BOK: variants seen among roughly 807,000 people sequenced by gnomAD.
The protein encoded by BOK is bcl-2-related ovarian killer protein.
Under a neutral mutation model 18.3 loss-of-function variants are expected in BOK, and 20 were observed. The observed-to-expected ratio is 1.09, with a 90% confidence interval of 0.77 to 1.59. The LOEUF (loss-of-function observed/expected upper bound fraction) is 1.59. Ranked by LOEUF, BOK falls within the 40% of genes most tolerant of loss-of-function variation. The pLI, the probability that BOK is intolerant of heterozygous loss-of-function variation, is 0.00. For synonymous variants in BOK, 173 were observed against 142.4 expected (o/e 1.21, Z -1.53); for missense variants, 348 against 307.9 (o/e 1.13, Z -0.97).
chr2:241,564,824 G>A (rs561837928), intron 3 of BOK, among the ~76,000 whole-genome samples: 2 of 152,342 alleles, frequency 1.3e-5, no homozygotes, highest in South Asian at 4.1e-4. Flanking sequence ...GGGTTTACGA[G>A]CTGCAGGCTG....
At chr2:241,570,015 C>T (rs371035927) in intron 3 of BOK, 110 bp from the exon 4 acceptor site, 70 of 1,350,814 alleles carry the variant, frequency 5.2e-5, no homozygotes, top group East Asian at 2.3e-4. Context: ...GGTCCCTGGT[C>T]ATTAGCTGGA....
chr2:241,564,027 A>G (rs2066573052), intron 3 of BOK, among the ~76,000 whole-genome samples: 1 of 152,200 alleles, frequency 6.6e-6, no homozygotes, highest in Non-Finnish European at 1.5e-5. Context: ...CTGGAGGCCA[A>G]GGCGGCGGGG....
Position 241,568,157 on chromosome 2 carries a change from A to G in BOK, c.350-1968A>G, listed in dbSNP as rs536967860. On this transcript the variant is annotated intron_variant, in intron 3 of 4. Coordinates refer to ENST00000318407, the MANE Select transcript of BOK (RefSeq NM_032515.5). ...TATTATTTATTTATTTTTTCACTCT[A>G]TTGCCCAGGCTAGAGTGCAATGGCG... is the stretch of plus-strand genomic sequence containing the variant. 1.3e-4 allele frequency among the ~76,000 whole-genome samples: 20 copies of G among 151,878 alleles called. 1 individual carries two copies. In the South Asian group the frequency reaches 2.3e-3, roughly 17 times the overall value.
In BOK at chr2:241,566,766, G is replaced by A. The variant is rs578101077; in HGVS notation, c.350-3359G>A. On this transcript the variant is annotated intron_variant, in intron 3 of 4. Coordinates refer to ENST00000318407, the MANE Select transcript of BOK (RefSeq NM_032515.5). ...ACGCCAGACACAAAATGAACAAGCCGTGTGATTACACTTATGTGAAATTTT... is the reference window on the plus strand; with the variant it reads ...ACGCCAGACACAAAATGAACAAGCCATGTGATTACACTTATGTGAAATTTT... Among the ~76,000 whole-genome samples, 8 of 118,238 alleles carry A rather than the reference G, an allele frequency of 6.8e-5. 2 individuals carry two copies. The highest frequency in any genetic ancestry group is 1.4e-4 in the Non-Finnish European group (8 of 56,250). The allele number at this position is 118,238 out of a possible 152,430, so 77.6% of individuals were successfully genotyped here.
intron 3 of BOK, among the ~76,000 whole-genome samples, chr2:241,563,745 G>A (rs2125049130): frequency 6.6e-6 from 1 of 152,356 alleles, no homozygotes; most frequent in East Asian, 1.9e-4. Flanking sequence ...AGCAGCAGGA[G>A]CCAGGCATCA....
intron 3 of BOK, among the ~76,000 whole-genome samples, chr2:241,568,833 CTGAG>C (rs1450737330): frequency 1.3e-5 from 2 of 151,840 alleles, no homozygotes; most frequent in African/African-American, 2.4e-5. Context: ...ATGTCTGTGA[CTGAG>C]TGTTTGTTTG....
At position 241,562,376 on chromosome 2, in the gene BOK, C is replaced by A; in HGVS notation, c.249C>A (p.Ser83Arg). 9.3e-6 allele frequency: 15 copies of A among 1,610,362 alleles called. No homozygotes were observed. The highest frequency in any genetic ancestry group is 1.3e-5 in the Non-Finnish European group (15 of 1,179,080). Residue 83 changes from serine to arginine, a missense_variant, in exon 3 of 5, where the codon AGC (serine) becomes AGA (arginine). Ser to Arg is a moderately radical substitution (Grantham distance 110). Transcript: ENST00000318407. This position sits in a 1 kb window ranked among gnomAD's most constrained non-coding sequence, Gnocchi z 4.5. ...ATGAGCTGGAGATGATCCGGCCCAG[C>A]GTCTACCGCAACGTGGCGCGTCAGC... ...LGDELEMIRP[S>R]VYRNVARQLH...
chr2:241,566,302 CTTTTTT>C (rs369940899), intron 3 of BOK, among the ~76,000 whole-genome samples: 1 of 141,024 alleles, frequency 7.1e-6, no homozygotes. Context: ...TTTCTTTTTT[CTTTTTT>C]TTTTTTGAGA....
chr2:241,559,270 T>C (rs2066485761), intron 1 of BOK, among the ~76,000 whole-genome samples, 185 bp from the exon 2 acceptor site: 1 of 151,608 alleles, frequency 6.6e-6, no homozygotes, highest in Non-Finnish European at 1.5e-5. Context: ...TCGGGGAATG[T>C]CTGTAGCTGA....
intron 3 of BOK, among the ~76,000 whole-genome samples, chr2:241,569,410 C>T (rs7371112): frequency 0.62 from 93,551 of 152,018 alleles, 29,166 homozygotes; most frequent in East Asian, 0.8. Flanking sequence ...GGATTCCAGG[C>T]GTGAGCCACC....
chr2:241,564,942 C>A (rs1044258533), intron 3 of BOK, among the ~76,000 whole-genome samples: 1 of 152,150 alleles, frequency 6.6e-6, no homozygotes, highest in Admixed American at 6.5e-5. Context: ...CCTACCCGCC[C>A]GGCCTTGCTT....
At chr2:241,553,396 C>G (rs982623768) in intron 1 of BOK, among the ~76,000 whole-genome samples, 3 of 152,202 alleles carry the variant, frequency 2.0e-5, no homozygotes, top group Non-Finnish European at 4.4e-5. Flanking sequence ...AGGTGATCCA[C>G]CCGCCTCAGC....
At position 241,559,007 on chromosome 2, in the gene BOK, G is replaced by C. The variant is rs2066480508; in HGVS notation, c.-30+14G>C. The C allele has an allele frequency of 6.6e-6, 1 of 151,504 alleles. No homozygotes were observed. The highest frequency in any genetic ancestry group is 2.1e-4 in the South Asian group (1 of 4,832). The allele number at this position is 151,504 out of a possible 1,614,324, so 9.4% of individuals were successfully genotyped here. A position where few individuals can be genotyped will look rare whatever the true frequency, so the allele number is the denominator to read the frequency against. ...GCGGCGGGAGAGGTGAGCGCGGCGGGCGTGGCGTCCGTGCCGGGGTGCCCG... is the reference window on the plus strand; with the variant it reads ...GCGGCGGGAGAGGTGAGCGCGGCGGCCGTGGCGTCCGTGCCGGGGTGCCCG... On this transcript the variant is annotated intron_variant, in intron 1 of 4. Coordinates refer to ENST00000318407, the MANE Select transcript of BOK (RefSeq NM_032515.5).
At position 241,559,452 on chromosome 2, in the gene BOK, C is replaced by T. The variant is rs1193710959; in HGVS notation, c.-29-3C>T. 3 of 1,414,556 alleles carry T rather than the reference C, an allele frequency of 2.1e-6. No individual in the cohort carries two copies. Among genetic ancestry groups the T allele is most frequent in the South Asian group, 1.5e-5 (1 of 67,640 alleles). 87.6% of individuals were successfully genotyped at this position (1,414,556 alleles called of 1,614,324 possible). A position where few individuals can be genotyped will look rare whatever the true frequency, so the allele number is the denominator to read the frequency against. ...CCACCCGGCTGAGCGCTTGTGCCCG[C>T]AGGTGCGGCGCCCCCCACCCGCGTC... On this transcript the variant is annotated splice_polypyrimidine_tract_variant and splice_region_variant and intron_variant, in intron 1 of 4. Coordinates refer to ENST00000318407, the MANE Select transcript of BOK (RefSeq NM_032515.5).
chr2:241,559,789 C>T (rs2066498276), intron 2 of BOK, 86 bp downstream of exon 2: 9 of 1,239,646 alleles, frequency 7.3e-6, no homozygotes, highest in Non-Finnish European at 9.1e-6. Flanking sequence ...GGGGGTCCGG[C>T]CCAGGGGCGC....
intron 3 of BOK, 78 bp from the exon 4 acceptor site, chr2:241,570,047 A>G: frequency 6.7e-7 from 1 of 1,492,896 alleles, no homozygotes; most frequent in Non-Finnish European, 9.0e-7. Flanking sequence ...ACAGCGGCTC[A>G]GAGAGGCCCA....
At chr2:241,571,639 C>T (rs1307665157) in intron 4 of BOK, among the ~76,000 whole-genome samples, 1 of 152,200 alleles carries the variant, frequency 6.6e-6, no homozygotes, top group Non-Finnish European at 1.5e-5. Flanking sequence ...TGGCATGGGG[C>T]TGGGCACTGT....
At chr2:241,572,051 G>C (rs1157183071) in intron 4 of BOK, among the ~76,000 whole-genome samples, 1 of 152,234 alleles carries the variant, frequency 6.6e-6, no homozygotes, top group Admixed American at 6.5e-5. Flanking sequence ...CGGCCTGCCT[G>C]GCTGCCATCT....
intron 2 of BOK, chr2:241,560,336 C>G: frequency 1.1e-6 from 1 of 949,626 alleles, no homozygotes; most frequent in Non-Finnish European, 1.3e-6. Context: ...GGGCTGTGGC[C>G]GTCACCTGGG....
Sources: gnomAD v4.1 joint callset for allele counts (sites outside exome capture counted in the v4.1 genomes callset) on GRCh38, gnomAD v4.1.1 for gene constraint, Gnocchi (gnomAD v3.1) non-coding constraint, MANE v1.5 for transcripts, NCBI Gene and HGNC (gene_info 2026-07-23, HGNC 2026-07-21) for gene names.